The following ADSL variants were observed in gnomAD, a reference collection of about 807,000 sequenced individuals.
The protein encoded by ADSL is adenylosuccinase.
In ADSL, 44 loss-of-function variants were observed where a neutral mutation model predicts 62.1. The observed-to-expected ratio is 0.71, with a 90% confidence interval of 0.56 to 0.91. The LOEUF (loss-of-function observed/expected upper bound fraction) is 0.91, where lower values mean the gene tolerates loss of function less well. Ranked by LOEUF, ADSL falls within the 40% of genes least tolerant of loss-of-function variation. The probability of loss-of-function intolerance (pLI) is 0.00; values close to 1 mark genes in which losing one functional copy is unlikely to be tolerated. For synonymous variants in ADSL, 198 were observed against 220.5 expected (o/e 0.90, Z 0.90); for missense variants, 531 against 627.4 (o/e 0.85, Z 1.64).
chr22:40,365,522 A>G (rs1444749702), intron 12 of ADSL, among the ~76,000 whole-genome samples: 2 of 152,180 alleles, frequency 1.3e-5, no homozygotes, highest in African/African-American at 2.4e-5. Flanking sequence ...GCCTGAGTAT[A>G]TACTAGGTGC....
chr22:40,359,089 A>G, intron 5 of ADSL, 54 bp downstream of exon 5: 2 of 1,605,966 alleles, frequency 1.2e-6, no homozygotes, highest in Non-Finnish European at 1.7e-6. Flanking sequence ...AGCCTAAGAG[A>G]CAAGGCTGCC....
At chr22:40,377,313 C>G (rs1487418651) in intron 2 of ADSL, among the ~76,000 whole-genome samples, 1 of 152,220 alleles carries the variant, frequency 6.6e-6, no homozygotes, top group Admixed American at 6.5e-5. Flanking sequence ...GTTCAATAAA[C>G]AGTTGCAGCT....
intron 10 of ADSL, 89 bp downstream of exon 10, chr22:40,363,160 T>A: frequency 1.6e-6 from 2 of 1,244,578 alleles, no homozygotes; most frequent in South Asian, 2.4e-5. Flanking sequence ...GGGAGCTGTA[T>A]TCTGATCCGA....
chr22:40,377,723 G>C (rs115594514), intron 2 of ADSL, among the ~76,000 whole-genome samples: 3,479 of 152,074 alleles, frequency 0.023, 132 homozygotes, highest in African/African-American at 0.08. Flanking sequence ...GCATGTGCCT[G>C]TAGTCCCAGC....
At chr22:40,362,770 G>A (rs1359369054) in intron 9 of ADSL, among the ~76,000 whole-genome samples, 4 of 152,132 alleles carry the variant, frequency 2.6e-5, no homozygotes, top group East Asian at 1.9e-4. Flanking sequence ...CCAGGTGGAC[G>A]TCTCACTCAG....
At chr22:40,385,628 C>G (rs1445967205) in intron 2 of ADSL, among the ~76,000 whole-genome samples, 1 of 152,078 alleles carries the variant, frequency 6.6e-6, no homozygotes, top group Non-Finnish European at 1.5e-5. Context: ...AGCTGAGCTT[C>G]GTTAAAGCTG....
chr22:40,350,009 A>C lies in ADSL; in HGVS notation c.331A>C (p.Thr111Pro). 1.2e-6 allele frequency: 2 copies of C among 1,613,936 alleles called. No individual in the cohort carries two copies. Among genetic ancestry groups the C allele is most frequent in the Non-Finnish European group, 1.7e-6 (2 of 1,179,876 alleles). ...KAAGIIHLGA[T>P]SCYVGDNTDL... is the part of the protein sequence containing the mutation. ...TGCAGGCATTATTCACCTTGGTGCT[A>C]CTTCTTGCTATGTTGGAGACAATAC... is the stretch of plus-strand genomic sequence containing the variant. The change falls in exon 2 of 13, where the codon ACT (threonine) becomes CCT (proline). Residue 111 changes from threonine to proline, a missense_variant. By Grantham distance (38) the Thr-to-Pro change is conservative. Transcript: ENST00000623063.
chr22:40,352,948 T>C, intron 2 of ADSL, 125 bp from the exon 3 acceptor site: 1 of 740,956 alleles, frequency 1.3e-6, no homozygotes. Flanking sequence ...GCGTGCTTAG[T>C]GGGTTGGTAG....
At chr22:40,353,294 T>A (rs2044419179) in intron 3 of ADSL, 177 bp downstream of exon 3, 1 of 708,222 alleles carries the variant, frequency 1.4e-6, no homozygotes, top group African/African-American at 1.7e-5. Context: ...CCTTTCTTCT[T>A]CTCTTCCTCC....
intron 2 of ADSL, among the ~76,000 whole-genome samples, chr22:40,385,454 AAG>A (rs1341198827): frequency 6.6e-6 from 1 of 152,198 alleles, no homozygotes; most frequent in Non-Finnish European, 1.5e-5. Context: ...CACAAAGGAA[AAG>A]AGTATAAAGG....
Position 40,349,915 on chromosome 22 carries a change from G to A in ADSL, c.237G>A (p.Glu79=). 6.2e-7 allele frequency: 1 copy of A among 1,614,196 alleles called. No individual in the cohort carries two copies. Among genetic ancestry groups the A allele is most frequent in the Non-Finnish European group, 8.5e-7 (1 of 1,180,048 alleles). ...LENIDFKMAA[E]EEKRLRHDVM... is the part of the protein sequence containing the mutation. ...ACATCGACTTCAAGATGGCAGCTGA[G>A]GAAGAGAAACGTTTACGACATGATG... The change falls in exon 2 of 13, where the codon GAG becomes GAA. Residue 79 remains glutamate, a synonymous_variant. Coordinates refer to ENST00000623063, the MANE Select transcript of ADSL (RefSeq NM_000026.4).
In ADSL at chr22:40,349,870, G is replaced by A; in HGVS notation, c.192G>A (p.Glu64=). ...GLPITDEQIQ[E]MKSNLENIDF... ...CTATCACAGATGAACAAATCCAGGA[G>A]ATGAAATCAAACCTGGAGAACATCG... The change falls in exon 2 of 13, where the codon GAG becomes GAA. Residue 64 remains glutamate, a synonymous_variant. Coordinates refer to ENST00000623063, the MANE Select transcript of ADSL (RefSeq NM_000026.4). The A allele has an allele frequency of 1.2e-6, 2 of 1,614,130 alleles. No homozygotes were observed. Among genetic ancestry groups the A allele is most frequent in the Non-Finnish European group, 1.7e-6 (2 of 1,180,018 alleles).
intron 3 of ADSL, 63 bp downstream of exon 3, chr22:40,353,180 G>C (rs1047685183): frequency 7.7e-7 from 1 of 1,297,528 alleles, no homozygotes. Context: ...ATAGGCACCA[G>C]TTACAACTAA....
intron 2 of ADSL, among the ~76,000 whole-genome samples, chr22:40,378,724 C>CA (rs541209359): frequency 1.1e-3 from 158 of 147,748 alleles, no homozygotes; most frequent in South Asian, 5.6e-3. Flanking sequence ...GACTCTGTCT[C>CA]AAAAAAAAAC....
At chr22:40,364,570 G>A (rs771266503) in intron 11 of ADSL, 15 of 669,152 alleles carry the variant, frequency 2.2e-5, no homozygotes, top group Non-Finnish European at 4.0e-5. Context: ...TCACTTGTAG[G>A]AAAAGTCCAC....
At position 40,367,522 on chromosome 22, in the gene ADSL, T is replaced by C. The variant is rs1204275119; in HGVS notation, c.*1000T>C. ...TTGTCTGTGTCATTCCTTGTTGTAT[T>C]TCCAATAGCAAGAGCACATCAGATA... On this transcript the variant is annotated 3_prime_UTR_variant, in exon 13 of 13. Transcript: ENST00000623063. 6.0e-6 allele frequency: 1 copy of C among 167,754 alleles called. No individual in the cohort carries two copies. Among genetic ancestry groups the C allele is most frequent in the Non-Finnish European group, 1.5e-5 (1 of 68,280 alleles). The allele number at this position is 167,754 out of a possible 1,614,324, so 10.4% of individuals were successfully genotyped here. A position where few individuals can be genotyped will look rare whatever the true frequency, so the allele number is the denominator to read the frequency against.
rs17001857 is a variant in ADSL at position 40,360,640 on chromosome 22, A to C, written c.792+148A>C. ...TTGTGGTCTGTAAATGAAACCCTTA[A>C]GGGGAAGACTCGTTTTGGCATTTTC... On this transcript the variant is annotated intron_variant, in intron 7 of 12. Transcript: ENST00000623063. The C allele has an allele frequency of 7.5e-3, 4,771 of 635,012 alleles. 168 individuals carry two copies. The African/African-American group carries it at 0.078, about 10-fold the overall frequency. The allele number at this position is 635,012 out of a possible 1,614,324, so 39.3% of individuals were successfully genotyped here. A position where few individuals can be genotyped will look rare whatever the true frequency, so the allele number is the denominator to read the frequency against.
chr22:40,380,001 G>A (rs1272606380), intron 2 of ADSL, among the ~76,000 whole-genome samples: 4 of 152,216 alleles, frequency 2.6e-5, no homozygotes, highest in South Asian at 2.1e-4. Flanking sequence ...GTGAGCCATC[G>A]TGCTCGGCCT....
intron 4 of ADSL, among the ~76,000 whole-genome samples, 191 bp downstream of exon 4, chr22:40,354,518 A>G (rs764296033): frequency 2.4e-4 from 37 of 152,230 alleles, no homozygotes; most frequent in Non-Finnish European, 1.3e-4. Context: ...TTTGGGAAAC[A>G]TTGGGAAATA....
Sources: allele counts gnomAD v4.1 joint callset (sites outside exome capture counted in the v4.1 genomes callset), GRCh38; gene constraint gnomAD v4.1.1; transcripts MANE v1.5; gene names NCBI Gene and HGNC (gene_info 2026-07-23, HGNC 2026-07-21).